NKAIN2: variants seen among roughly 807,000 people sequenced by gnomAD.
The protein encoded by NKAIN2 is sodium/potassium-transporting ATPase subunit beta-1-interacting protein 2.
NKAIN2 carries 14 observed loss-of-function variants against 32.6 expected under a neutral mutation model. The observed-to-expected ratio is 0.43, with a 90% CI of 0.28 to 0.67. NKAIN2 has a LOEUF of 0.67. NKAIN2 is among the 30% of genes least tolerant of loss of function. The pLI, the probability that NKAIN2 is intolerant of heterozygous loss-of-function variation, is 0.17. For missense variants in NKAIN2, 198 were observed against 258.3 expected, an observed-to-expected ratio of 0.77 and a Z score of 1.60; for synonymous variants, 80 against 87.2, an observed-to-expected ratio of 0.92 and a Z score of 0.46.
intron 3 of NKAIN2, among the ~76,000 whole-genome samples, chr6:124,653,296 G>C (rs1051259387): frequency 3.3e-5 from 5 of 151,938 alleles, no homozygotes; most frequent in African/African-American, 1.2e-4. Context: ...CAAAAGAAGA[G>C]ACAAATAGAT....
At chr6:124,260,378 A>G (rs1388301987) in intron 1 of NKAIN2, among the ~76,000 whole-genome samples, 1 of 152,214 alleles carries the variant, frequency 6.6e-6, no homozygotes, top group East Asian at 1.9e-4. Flanking sequence ...TGTGTGGTCA[A>G]GGTGAGATTG....
chr6:124,268,442 G>T (rs541841682), intron 1 of NKAIN2, among the ~76,000 whole-genome samples: 19 of 152,100 alleles, frequency 1.2e-4, no homozygotes, highest in African/African-American at 3.4e-4. Context: ...TTAACTTTTT[G>T]CCATTGCCAA....
chr6:124,278,824 A>G lies in NKAIN2; in HGVS notation c.55-4181A>G, dbSNP rs145993160. On this transcript the variant is annotated intron_variant, in intron 1 of 6. Transcript: ENST00000368417. The stretch of plus-strand genomic sequence containing the variant: ...ATTTTGGGGAGTTTGTCCTATGGCT[A>G]TATTAACACACATACAGAAGATTCT... 9.9e-5 allele frequency among the ~76,000 whole-genome samples: 15 copies of G among 151,744 alleles called. 1 individual carries two copies. The East Asian group carries it at 2.9e-3, about 29-fold the overall frequency.
At chr6:124,079,795 G>A (rs1318300710) in intron 1 of NKAIN2, among the ~76,000 whole-genome samples, 1 of 152,034 alleles carries the variant, frequency 6.6e-6, no homozygotes, top group African/African-American at 2.4e-5. Context: ...GGGAGTATTA[G>A]CAAAAGCATA....
intron 4 of NKAIN2, among the ~76,000 whole-genome samples, chr6:124,706,635 G>A (rs1014486336): frequency 2.6e-5 from 4 of 152,142 alleles, no homozygotes; most frequent in Admixed American, 2.6e-4. Flanking sequence ...TAAAAGATGT[G>A]AAAGCAGATA....
At chr6:124,418,031 C>G (rs1190960752) in intron 3 of NKAIN2, among the ~76,000 whole-genome samples, 1 of 152,106 alleles carries the variant, frequency 6.6e-6, no homozygotes, top group Non-Finnish European at 1.5e-5. Context: ...CTTATTATGA[C>G]CCAGGTTTGC....
chr6:124,109,126 T>C (rs73565462), intron 1 of NKAIN2, among the ~76,000 whole-genome samples: 4,312 of 152,088 alleles, frequency 0.028, 209 homozygotes, highest in African/African-American at 0.097. Flanking sequence ...ATTGCATTGA[T>C]TCTGCATATT....
At chr6:124,076,300 C>A (rs1272585073) in intron 1 of NKAIN2, among the ~76,000 whole-genome samples, 1 of 152,114 alleles carries the variant, frequency 6.6e-6, no homozygotes, top group African/African-American at 2.4e-5. Flanking sequence ...ACTGTCTGAG[C>A]TGGAAATAGT....
At chr6:124,035,680 A>T (rs1781577716) in intron 1 of NKAIN2, among the ~76,000 whole-genome samples, 1 of 152,082 alleles carries the variant, frequency 6.6e-6, no homozygotes, top group South Asian at 2.1e-4. Context: ...ATCATTCCCA[A>T]CTATGTGATT....
At chr6:124,200,908 G>GAAC (rs1582837197) in intron 1 of NKAIN2, among the ~76,000 whole-genome samples, 2 of 152,052 alleles carry the variant, frequency 1.3e-5, no homozygotes, top group East Asian at 3.9e-4. Context: ...AACCAGTGTA[G>GAAC]AACACAGTCT....
intron 3 of NKAIN2, among the ~76,000 whole-genome samples, chr6:124,574,919 T>C (rs1341476237): frequency 6.6e-6 from 1 of 152,194 alleles, no homozygotes; most frequent in Non-Finnish European, 1.5e-5. Flanking sequence ...TATACATTCA[T>C]TCAGAATATC....
intron 1 of NKAIN2, among the ~76,000 whole-genome samples, chr6:124,138,207 T>C (rs757948058): frequency 2.1e-4 from 32 of 151,970 alleles, no homozygotes; most frequent in Non-Finnish European, 4.3e-4. Context: ...AAAGAAGATA[T>C]ACAAATGGCC....
intron 1 of NKAIN2, among the ~76,000 whole-genome samples, chr6:123,933,084 G>A (rs548644741): frequency 6.6e-6 from 1 of 152,246 alleles, no homozygotes; most frequent in Non-Finnish European, 1.5e-5. Flanking sequence ...ATCTGTCAGG[G>A]CCAGCTGCAT....
intron 1 of NKAIN2, among the ~76,000 whole-genome samples, chr6:123,860,249 A>T (rs1042170199): frequency 5.9e-5 from 9 of 152,158 alleles, no homozygotes; most frequent in African/African-American, 2.4e-5. Context: ...GATGGAAGAA[A>T]AGATGCACCC....
chr6:124,475,442 G>A (rs1037358079), intron 3 of NKAIN2, among the ~76,000 whole-genome samples: 5 of 151,870 alleles, frequency 3.3e-5, no homozygotes, highest in African/African-American at 1.2e-4. Flanking sequence ...ACCCAAAGAT[G>A]GAAAATGTAA....
chr6:124,372,935 T>C (rs540693459), intron 3 of NKAIN2, among the ~76,000 whole-genome samples: 1 of 152,176 alleles, frequency 6.6e-6, no homozygotes, highest in African/African-American at 2.4e-5. Context: ...AGTTTGGATA[T>C]TGTTCTAAGT....
chr6:124,603,875 G>A (rs1442640130), intron 3 of NKAIN2, among the ~76,000 whole-genome samples: 1 of 151,944 alleles, frequency 6.6e-6, no homozygotes, highest in East Asian at 1.9e-4. Context: ...ATCCAAGATA[G>A]TTCTCAGCAA....
At chr6:124,253,908 C>T (rs911110543) in intron 1 of NKAIN2, among the ~76,000 whole-genome samples, 4 of 151,548 alleles carry the variant, frequency 2.6e-5, no homozygotes, top group African/African-American at 9.7e-5. Flanking sequence ...ACCTCCACTC[C>T]CCAGGTTCAA....
intron 1 of NKAIN2, among the ~76,000 whole-genome samples, chr6:123,875,995 G>A (rs372626331): frequency 2.5e-4 from 38 of 152,040 alleles, no homozygotes; most frequent in Middle Eastern, 3.4e-3. Context: ...TCAGTCTTTC[G>A]TATGACCACA....
Sources: gnomAD v4.1 joint callset for allele counts (sites outside exome capture counted in the v4.1 genomes callset) on GRCh38, gnomAD v4.1.1 for gene constraint, MANE v1.5 for transcripts, NCBI Gene and HGNC (gene_info 2026-07-23, HGNC 2026-07-21) for gene names.